TMEM231: variants seen among roughly 807,000 people sequenced by gnomAD.
TMEM231 encodes transmembrane protein 231.
Under a neutral mutation model 38.5 loss-of-function variants are expected in TMEM231, and 40 were observed. The ratio of observed to expected loss-of-function variants is 1.04; its 90% CI spans 0.81 to 1.35. The LOEUF is 1.35. Among genes scored for constraint, TMEM231 ranks in the 40% most tolerant of loss-of-function variants. The probability of loss-of-function intolerance (pLI) is 0.00; values close to 1 mark genes in which losing one functional copy is unlikely to be tolerated. For missense variants in TMEM231, 420 were observed against 416.9 expected, an observed-to-expected ratio of 1.01 and a Z score of -0.07; for synonymous variants, 199 against 181.7, an observed-to-expected ratio of 1.10 and a Z score of -0.77.
At chr16:75,540,449 G>T (rs141342042) in intron 6 of TMEM231, among the ~76,000 whole-genome samples, 5 of 152,306 alleles carry the variant, frequency 3.3e-5, no homozygotes, top group Non-Finnish European at 7.4e-5. Flanking sequence ...CTGTTAACCA[G>T]CCATCCATCC....
At chr16:75,544,102 G>C (rs932567917) in intron 4 of TMEM231, among the ~76,000 whole-genome samples, 2 of 152,216 alleles carry the variant, frequency 1.3e-5, no homozygotes, top group East Asian at 3.8e-4. Context: ...TACGTCTTCT[G>C]CAAAATGAGT....
chr16:75,541,325 A>G, intron 6 of TMEM231, 25 bp downstream of exon 6: 1 of 1,559,970 alleles, frequency 6.4e-7, no homozygotes, highest in Non-Finnish European at 8.8e-7. Flanking sequence ...CAGCCTTAAC[A>G]TGGACTCTTT....
At position 75,541,465 on chromosome 16, in the gene TMEM231, A is replaced by C; in HGVS notation, c.665-10T>G. ...TTCAGGACGGTGGTAACTGCAATGC[A>C]ATCATTAACCATTAACCACGATGGC... On this transcript the variant is annotated splice_polypyrimidine_tract_variant and intron_variant, in intron 5 of 6. Coordinates refer to ENST00000258173, the MANE Select transcript of TMEM231 (RefSeq NM_001077418.3). 6.3e-7 allele frequency: 1 copy of C among 1,586,594 alleles called. No individual in the cohort carries two copies. The highest frequency in any genetic ancestry group is 1.1e-5 in the South Asian group (1 of 88,934).
rs1417359509 is a variant in TMEM231 at position 75,538,078 on chromosome 16, C to T, written c.*1916G>A. 6.6e-6 allele frequency: 1 copy of T among 152,194 alleles called. No homozygotes were observed. The highest frequency in any genetic ancestry group is 1.5e-5 in the Non-Finnish European group (1 of 68,030). 9.4% of individuals were successfully genotyped at this position (152,194 alleles called of 1,614,324 possible). A position where few individuals can be genotyped will look rare whatever the true frequency, so the allele number is the denominator to read the frequency against. On this transcript the variant is annotated 3_prime_UTR_variant, in exon 7 of 7. Transcript: ENST00000258173. The stretch of plus-strand genomic sequence containing the variant: ...AACCTCTGCCCTCCCTATTCTTTGC[C>T]ATTCCAAACCCTTTCCCTCGAAAAA...
At chr16:75,554,545 C>CAAAAAAAA (rs1185694717) in intron 2 of TMEM231, among the ~76,000 whole-genome samples, 4 of 94,118 alleles carry the variant, frequency 4.2e-5, no homozygotes, top group African/African-American at 1.6e-4. Flanking sequence ...GACTGTGTCT[C>CAAAAAAAA]AAAAAAAAAA....
intron 2 of TMEM231, among the ~76,000 whole-genome samples, chr16:75,554,157 T>C (rs1173687473): frequency 2.0e-5 from 3 of 152,220 alleles, no homozygotes; most frequent in Admixed American, 6.5e-5. Flanking sequence ...CAGTTAATAA[T>C]TATTTGCTTA....
Position 75,539,796 on chromosome 16 carries a change from A to G in TMEM231, c.*198T>C. On this transcript the variant is annotated 3_prime_UTR_variant, in exon 7 of 7. Transcript: ENST00000258173. ...CCAGGAACTCTCAGACCTTTCCACA[A>G]ACTAGTCCCTGACAATTCTGCAGGA... 1 of 456,470 alleles carries G rather than the reference A, an allele frequency of 2.2e-6. No individual in the cohort carries two copies. Among genetic ancestry groups the G allele is most frequent in the South Asian group, 5.6e-5 (1 of 17,860 alleles). 28.3% of individuals were successfully genotyped at this position (456,470 alleles called of 1,614,324 possible). A position where few individuals can be genotyped will look rare whatever the true frequency, so the allele number is the denominator to read the frequency against.
At chr16:75,545,065 C>T (rs1053120164) in intron 4 of TMEM231, among the ~76,000 whole-genome samples, 6 of 147,382 alleles carry the variant, frequency 4.1e-5, no homozygotes, top group Non-Finnish European at 8.9e-5. Context: ...AAGCAATTCT[C>T]CTGCCTCAGT....
chr16:75,554,564 GAAAAGAAAAGAA>G lies in TMEM231; in HGVS notation c.309+1228_309+1239del, dbSNP rs1215605251. Among the ~76,000 whole-genome samples, 503 of 132,686 alleles carry G rather than the reference GAAAAGAAAAGAA, an allele frequency of 3.8e-3. 2 individuals carry two copies. The highest frequency in any genetic ancestry group is 6.1e-3 in the Non-Finnish European group (381 of 62,864). 87.0% of individuals were successfully genotyped at this position (132,686 alleles called of 152,430 possible). ...GTGTCTCAAAAAAAAAAAAAAAAAA[GAAAAGAAAAGAA>G]AAAAGAAAAGAAAAAAAGAAATGTT... On this transcript the variant is annotated intron_variant, in intron 2 of 6. Transcript: ENST00000258173.
At chr16:75,551,831 G>A (rs910497004) in intron 2 of TMEM231, among the ~76,000 whole-genome samples, 7 of 151,850 alleles carry the variant, frequency 4.6e-5, no homozygotes, top group Admixed American at 3.3e-4. Context: ...CCGTGGTGGT[G>A]CCTGCCTGTA....
intron 5 of TMEM231, 46 bp downstream of exon 5, chr16:75,542,556 T>C: frequency 6.4e-7 from 1 of 1,555,506 alleles, no homozygotes; most frequent in South Asian, 1.1e-5. Context: ...CCCACTAACC[T>C]TGAAAGTCCT....
chr16:75,546,792 G>C (rs1238804767), intron 2 of TMEM231, among the ~76,000 whole-genome samples: 2 of 152,214 alleles, frequency 1.3e-5, no homozygotes, highest in Non-Finnish European at 2.9e-5. Flanking sequence ...CTTTGCTTCA[G>C]ATTCTTGATG....
In TMEM231 at chr16:75,540,455, C is replaced by A. The variant is rs536771049; in HGVS notation, c.771-281G>T. Among the ~76,000 whole-genome samples, 31 of 152,340 alleles carry A rather than the reference C, an allele frequency of 2.0e-4. 1 individual carries two copies. In the South Asian group the frequency reaches 6.2e-3, roughly 31 times the overall value. ...TATCCTGAGCTGTTAACCAGCCATC[C>A]ATCCATCTTCTAAAATCTTCCAGTT... On this transcript the variant is annotated intron_variant, in intron 6 of 6. Coordinates refer to ENST00000258173, the MANE Select transcript of TMEM231 (RefSeq NM_001077418.3).
At chr16:75,555,538 C>G in intron 2 of TMEM231, 1 of 411,460 alleles carries the variant, frequency 2.4e-6, no homozygotes. Flanking sequence ...AGGCTGCCCC[C>G]ACACTTCTGG....
intron 4 of TMEM231, among the ~76,000 whole-genome samples, chr16:75,543,257 A>C (rs564896807): frequency 5.0e-4 from 76 of 151,892 alleles, no homozygotes; most frequent in Non-Finnish European, 9.7e-4. Flanking sequence ...CATCTCTCAA[A>C]AAAAAATAAA....
chr16:75,540,953 T>C (rs1415954933), intron 6 of TMEM231, among the ~76,000 whole-genome samples: 1 of 152,212 alleles, frequency 6.6e-6, no homozygotes, highest in East Asian at 1.9e-4. Flanking sequence ...CGTCTGTTAC[T>C]ACTTGAGACA....
intron 4 of TMEM231, 115 bp downstream of exon 4, chr16:75,545,237 G>A (rs552873966): frequency 1.9e-5 from 27 of 1,423,200 alleles, no homozygotes; most frequent in Non-Finnish European, 2.6e-5. Context: ...TGGGATTACA[G>A]GTATGAGCCA....
At chr16:75,545,299 A>G in intron 4 of TMEM231, 53 bp downstream of exon 4, 1 of 1,572,752 alleles carries the variant, frequency 6.4e-7, no homozygotes, top group Non-Finnish European at 8.7e-7. Flanking sequence ...AAAGAACTTA[A>G]TGAACAGTAA....
chr16:75,546,073 C>T (rs1000873902), intron 2 of TMEM231, 119 bp from the exon 3 acceptor site: 2 of 1,549,262 alleles, frequency 1.3e-6, no homozygotes, highest in South Asian at 1.2e-5. Flanking sequence ...GCATTATCTC[C>T]TCCACTAAAA....
Sources: allele counts gnomAD v4.1 joint callset (sites outside exome capture counted in the v4.1 genomes callset), GRCh38; gene constraint gnomAD v4.1.1; transcripts MANE v1.5; gene names NCBI Gene and HGNC (gene_info 2026-07-23, HGNC 2026-07-21).